The following GSE1 variants were observed in gnomAD, a reference collection of about 807,000 sequenced individuals.
GSE1 encodes Gse1 coiled-coil protein.
GSE1 carries 32 observed loss-of-function variants against 112.6 expected under a neutral mutation model. That is an observed-to-expected ratio of 0.28 (90% confidence interval 0.21 to 0.38). GSE1 has a LOEUF of 0.38. Ranked by LOEUF, GSE1 falls within the 10% of genes least tolerant of loss-of-function variation. GSE1 has a pLI of 1.00. For synonymous variants in GSE1, 1,115 were observed against 735.6 expected (o/e 1.52, Z -8.35); for missense variants, 2,348 against 1,699.2 (o/e 1.38, Z -6.71).
chr16:85,171,439 G>T (rs2074357440), exon 1 of GSE1: 1 of 985,418 alleles, frequency 1.0e-6, no homozygotes, highest in Non-Finnish European at 1.2e-6. Context: ...CAGGCCTGTG[G>T]ACTCCACCGG....
upstream of GSE1, among the ~76,000 whole-genome samples, chr16:85,609,230 G>A (rs1301249473): frequency 1.3e-5 from 2 of 152,044 alleles, no homozygotes; most frequent in Admixed American, 1.3e-4. Flanking sequence ...GTCCCTTGCC[G>A]CCCCCACCTT....
chr16:85,371,225 G>T (rs1291198802), intron 2 of GSE1, among the ~76,000 whole-genome samples: 2 of 152,218 alleles, frequency 1.3e-5, no homozygotes, highest in Non-Finnish European at 2.9e-5. Flanking sequence ...CAGGGGCTGG[G>T]CCAGGCAGTG....
intron 1 of GSE1, among the ~76,000 whole-genome samples, chr16:85,173,243 A>G (rs563785919): frequency 1.8e-4 from 27 of 152,330 alleles, no homozygotes; most frequent in African/African-American, 6.0e-4. Context: ...AGATGAGTCA[A>G]CCAAGACTCA....
chr16:85,467,506 C>G (rs574099762), intron 2 of GSE1, among the ~76,000 whole-genome samples: 4 of 152,072 alleles, frequency 2.6e-5, no homozygotes, highest in Non-Finnish European at 4.4e-5. Context: ...AGCATCTTGC[C>G]GATTCCCTAC....
chr16:85,507,847 C>T (rs1260151582), intron 2 of GSE1, among the ~76,000 whole-genome samples: 2 of 152,188 alleles, frequency 1.3e-5, no homozygotes, highest in East Asian at 3.9e-4. Flanking sequence ...GTCATTTTCC[C>T]TCTTTTTCAA....
At chr16:85,474,884 C>G (rs375732939) in intron 2 of GSE1, among the ~76,000 whole-genome samples, 30 of 152,232 alleles carry the variant, frequency 2.0e-4, no homozygotes, top group Non-Finnish European at 3.1e-4. Flanking sequence ...CTTATCTTCT[C>G]TAATTTATTG....
chr16:85,508,742 T>C (rs1567546880), intron 2 of GSE1, among the ~76,000 whole-genome samples: 1 of 152,322 alleles, frequency 6.6e-6, no homozygotes, highest in East Asian at 1.9e-4. Context: ...TGTTTTTCTG[T>C]AGAGACTGAA....
At chr16:85,265,668 A>G (rs71389108) in intron 1 of GSE1, among the ~76,000 whole-genome samples, 15,052 of 152,106 alleles carry the variant, frequency 0.099, 812 homozygotes, top group East Asian at 0.21. Flanking sequence ...GCAGGCACTG[A>G]AAGACCATGT....
chr16:85,205,796 G>T (rs1253329354), intron 1 of GSE1, among the ~76,000 whole-genome samples: 1 of 152,196 alleles, frequency 6.6e-6, no homozygotes, highest in Non-Finnish European at 1.5e-5. Flanking sequence ...AGACTGGGAG[G>T]ACATTTGAAC....
chr16:85,601,792 G>A (rs1007376102), intron 1 of GSE1, among the ~76,000 whole-genome samples: 1 of 152,176 alleles, frequency 6.6e-6, no homozygotes, highest in African/African-American at 2.4e-5. Flanking sequence ...TCTTGACCCC[G>A]CGTCCCCAGG....
chr16:85,315,219 CG>C (rs1567682872), intron 1 of GSE1, among the ~76,000 whole-genome samples: 2 of 151,890 alleles, frequency 1.3e-5, no homozygotes. Flanking sequence ...GAGCAGGGGT[CG>C]GGGGGAGGCT....
chr16:85,654,274 G>A lies in GSE1; in HGVS notation c.427-4G>A, dbSNP rs754754491. ...TGCCCTGACTGGACGCTCTCCTCCC[G>A]CAGGATGCCGGCTCCAGGAGCAGCA... is the stretch of plus-strand genomic sequence containing the variant. On this transcript the variant is annotated splice_region_variant and splice_polypyrimidine_tract_variant and intron_variant, in intron 3 of 15. Transcript: ENST00000253458. The A allele has an allele frequency of 2.8e-5, 44 of 1,588,634 alleles. 1 individual carries two copies. The highest frequency in any genetic ancestry group is 2.1e-4 in the East Asian group (9 of 42,822).
Position 85,376,334 on chromosome 16 carries a change from C to T in GSE1, c.2464+18691C>T, listed in dbSNP as rs945356853. ...TTAGTCCTGGGGAGGTGCCTGGGTG[C>T]CTGGCACAGTGCCCCTGCCCGTTAG... On this transcript the variant is annotated intron_variant, in intron 2 of 2. Transcript: ENST00000637419. Among the ~76,000 whole-genome samples, 5 of 152,364 alleles carry T rather than the reference C, an allele frequency of 3.3e-5. No homozygotes were observed. The East Asian group carries it at 9.6e-4, about 29-fold the overall frequency.
intron 2 of GSE1, among the ~76,000 whole-genome samples, chr16:85,496,971 T>C (rs1385069983): frequency 6.6e-6 from 1 of 151,732 alleles, no homozygotes; most frequent in Non-Finnish European, 1.5e-5. Flanking sequence ...CTATCTCGGC[T>C]CATTGCAACC....
At chr16:85,201,054 C>G (rs1165882428) in intron 1 of GSE1, among the ~76,000 whole-genome samples, 1 of 151,928 alleles carries the variant, frequency 6.6e-6, no homozygotes, top group Admixed American at 6.6e-5. Flanking sequence ...AACCCCTTAT[C>G]TGAAAACCCT....
intron 1 of GSE1, among the ~76,000 whole-genome samples, chr16:85,299,362 G>A (rs1175690202): frequency 6.6e-6 from 1 of 152,218 alleles, no homozygotes; most frequent in African/African-American, 2.4e-5. Context: ...GGCAGGACCT[G>A]GATTTCTGAG....
At chr16:85,560,197 G>A (rs1191960518) in intron 1 of GSE1, among the ~76,000 whole-genome samples, 3 of 142,818 alleles carry the variant, frequency 2.1e-5, no homozygotes, top group Admixed American at 1.5e-4. Flanking sequence ...GTGCAATGGC[G>A]AGATTTCGGC....
chr16:85,612,168 T>TCGCCGACCCCTGCCCCCGAGGCC (rs2048029194), upstream of GSE1, among the ~76,000 whole-genome samples: 2 of 148,896 alleles, frequency 1.3e-5, no homozygotes, highest in South Asian at 2.2e-4. Flanking sequence ...CAGGGGAGGC[T>TCGCCGACCCCTGCCCCCGAGGCC]CGCCGACCCC....
At chr16:85,483,400 A>C (rs1567525476) in intron 2 of GSE1, among the ~76,000 whole-genome samples, 1 of 152,034 alleles carries the variant, frequency 6.6e-6, no homozygotes, top group Non-Finnish European at 1.5e-5. Context: ...TCCCTCACCC[A>C]CTCTGTGCCT....
Sources: allele counts gnomAD v4.1 joint callset (sites outside exome capture counted in the v4.1 genomes callset), GRCh38; gene constraint gnomAD v4.1.1; transcripts MANE v1.5; gene names NCBI Gene and HGNC (gene_info 2026-07-23, HGNC 2026-07-21).